ARHGAP42: variants seen among roughly 807,000 people sequenced by gnomAD.
The protein encoded by ARHGAP42 is rho GTPase-activating protein 42.
In ARHGAP42, 63 loss-of-function variants were observed where a neutral mutation model predicts 125.0. That is an observed-to-expected ratio of 0.50 (90% confidence interval 0.41 to 0.62). The LOEUF (loss-of-function observed/expected upper bound fraction) is 0.62, where lower values mean the gene tolerates loss of function less well. Ranked by LOEUF, ARHGAP42 falls within the 20% of genes least tolerant of loss-of-function variation. The pLI is 0.00. For missense variants in ARHGAP42, 766 were observed against 1,024.2 expected, an observed-to-expected ratio of 0.75 and a Z score of 3.44; for synonymous variants, 339 against 351.0, an observed-to-expected ratio of 0.97 and a Z score of 0.38.
At chr11:100,762,789 A>G (rs1467071501) in intron 1 of ARHGAP42, among the ~76,000 whole-genome samples, 5 of 152,084 alleles carry the variant, frequency 3.3e-5, no homozygotes, top group East Asian at 1.9e-4. Flanking sequence ...CTGAGAGCAC[A>G]CTAAAAACGT....
intron 1 of ARHGAP42, among the ~76,000 whole-genome samples, chr11:100,722,358 T>C (rs902016350): frequency 3.3e-5 from 5 of 151,952 alleles, no homozygotes; most frequent in Admixed American, 6.6e-5. Context: ...CTTCATCAGA[T>C]ATGTGTTTTG....
At chr11:100,857,095 CT>C (rs1865338271) in intron 3 of ARHGAP42, among the ~76,000 whole-genome samples, 1 of 152,026 alleles carries the variant, frequency 6.6e-6, no homozygotes, top group Non-Finnish European at 1.5e-5. Context: ...ATTAGAAACA[CT>C]CAAGAAATCA....
chr11:100,780,335 T>C (rs1394000760), intron 2 of ARHGAP42, among the ~76,000 whole-genome samples: 1 of 152,156 alleles, frequency 6.6e-6, no homozygotes, highest in Non-Finnish European at 1.5e-5. Flanking sequence ...CTCAACAAAA[T>C]AATTAGTGTA....
Position 100,787,794 on chromosome 11 carries a change from G to A in ARHGAP42, c.251-7311G>A, listed in dbSNP as rs551637886. Among the ~76,000 whole-genome samples the A allele has an allele frequency of 8.9e-4, 135 of 152,326 alleles. 1 individual carries two copies. The highest frequency in any genetic ancestry group is 3.0e-3 in the African/African-American group (126 of 41,574). On this transcript the variant is annotated intron_variant, in intron 2 of 23. Transcript: ENST00000298815. ...AAGAGTCTGGGTAGTATGGTTAAAG[G>A]ATAAACAGGAACAAGGGAAAGCATA... is the stretch of plus-strand genomic sequence containing the variant.
At chr11:100,804,840 C>T (rs17651790) in intron 3 of ARHGAP42, among the ~76,000 whole-genome samples, 8,406 of 152,194 alleles carry the variant, frequency 0.055, 302 homozygotes, top group Non-Finnish European at 0.083. Flanking sequence ...AAAAGTGTGT[C>T]GGTAACGTCA....
At chr11:100,858,899 A>T (rs758734131) in intron 3 of ARHGAP42, among the ~76,000 whole-genome samples, 4 of 152,076 alleles carry the variant, frequency 2.6e-5, no homozygotes, top group Non-Finnish European at 4.4e-5. Flanking sequence ...GCTTGTCTTC[A>T]TATCTTGCAC....
chr11:100,851,505 A>G (rs1458619611), intron 3 of ARHGAP42, among the ~76,000 whole-genome samples: 1 of 152,212 alleles, frequency 6.6e-6, no homozygotes, highest in African/African-American at 2.4e-5. Flanking sequence ...TGTGCTGCCC[A>G]TCTGTGGAAG....
chr11:100,935,986 G>T (rs1354993379), intron 7 of ARHGAP42, among the ~76,000 whole-genome samples: 1 of 152,072 alleles, frequency 6.6e-6, no homozygotes, highest in Non-Finnish European at 1.5e-5. Flanking sequence ...AGCCAGTGTG[G>T]TGGTGTGTGC....
At chr11:100,965,365 A>C (rs1448493920) in intron 16 of ARHGAP42, among the ~76,000 whole-genome samples, 11 of 152,166 alleles carry the variant, frequency 7.2e-5, no homozygotes, top group Admixed American at 6.5e-4. Flanking sequence ...TTCTGTCTTC[A>C]GGTAGTAAAA....
chr11:100,947,194 ATTG>A (rs1868045980), intron 10 of ARHGAP42, among the ~76,000 whole-genome samples: 1 of 151,494 alleles, frequency 6.6e-6, no homozygotes, highest in South Asian at 2.1e-4. Context: ...CCTTCTTTTT[ATTG>A]TTGTTTTGAA....
chr11:100,777,053 G>A (rs1480530686), intron 2 of ARHGAP42, among the ~76,000 whole-genome samples: 1 of 151,478 alleles, frequency 6.6e-6, no homozygotes, highest in African/African-American at 2.4e-5. Context: ...GGAAATGCTT[G>A]TACGAATCGT....
rs776438110 is a variant in ARHGAP42 at position 100,976,926 on chromosome 11, G to A, written c.2348G>A (p.Arg783Lys). ...CCTCCGAAAATGTGCAGGAGATTAAGACTAGACACTGCCTCAAGCAATGGC... is the reference window on the plus strand; with the variant it reads ...CCTCCGAAAATGTGCAGGAGATTAAAACTAGACACTGCCTCAAGCAATGGC... Reference protein sequence around the residue: ...DLPPKMCRRLRLDTASSNGYQ... With the variant: ...DLPPKMCRRLKLDTASSNGYQ... The change falls in exon 21 of 24, where the codon AGA (arginine) becomes AAA (lysine). Residue 783 changes from arginine (R) to lysine (K), a missense_variant. Transcript: ENST00000298815. The A allele has an allele frequency of 6.4e-7, 1 of 1,551,482 alleles. No homozygotes were observed.
Position 100,988,767 on chromosome 11 carries a change from G to C in ARHGAP42, c.2591G>C (p.Gly864Ala), listed in dbSNP as rs1241299240. ...AAGGCAACTTATGAAGGCAAAACAG[G>C]ACTAGTTCCAGAAAATTATGTTGTC... is the stretch of plus-strand genomic sequence containing the variant. Reference protein sequence around the residue: ...WLKATYEGKTGLVPENYVVFL With the variant: ...WLKATYEGKTALVPENYVVFL Residue 864 changes from glycine (G) to alanine (A), a missense_variant, in exon 24 of 24, where the codon GGA (glycine) becomes GCA (alanine). Physicochemically the swap from Gly to Ala is moderately conservative, Grantham distance 60 (BLOSUM62 0). Coordinates refer to ENST00000298815, the MANE Select transcript of ARHGAP42 (RefSeq NM_152432.4). The C allele has an allele frequency of 1.9e-6, 3 of 1,550,086 alleles. No individual in the cohort carries two copies. The highest frequency in any genetic ancestry group is 1.2e-5 in the South Asian group (1 of 83,976).
intron 2 of ARHGAP42, among the ~76,000 whole-genome samples, chr11:100,794,562 A>G (rs549276146): frequency 6.6e-6 from 1 of 152,352 alleles, no homozygotes; most frequent in African/African-American, 2.4e-5. Flanking sequence ...GCAAAGATCT[A>G]ACATACCTTG....
At chr11:100,705,646 A>C (rs1453836831) in intron 1 of ARHGAP42, among the ~76,000 whole-genome samples, 1 of 152,220 alleles carries the variant, frequency 6.6e-6, no homozygotes, top group Non-Finnish European at 1.5e-5. Flanking sequence ...AATAACCACC[A>C]CCATGTTTCA....
chr11:100,983,738 A>ATTC (rs1858602263), intron 22 of ARHGAP42, among the ~76,000 whole-genome samples: 1 of 152,202 alleles, frequency 6.6e-6, no homozygotes, highest in Non-Finnish European at 1.5e-5. Flanking sequence ...GCTCAGGTGG[A>ATTC]AGTTTTTAGC....
chr11:100,811,800 C>T (rs550842180), intron 3 of ARHGAP42, among the ~76,000 whole-genome samples: 15 of 152,052 alleles, frequency 9.9e-5, no homozygotes, highest in South Asian at 6.2e-4. Flanking sequence ...GAGCCCAGCC[C>T]GGATGTCTTG....
chr11:100,725,430 A>G (rs1201760627), intron 1 of ARHGAP42, among the ~76,000 whole-genome samples: 2 of 151,686 alleles, frequency 1.3e-5, no homozygotes, highest in African/African-American at 4.8e-5. Flanking sequence ...CGGCCTTCCA[A>G]AGTGCTGGGA....
chr11:100,940,281 A>G (rs530687862), intron 8 of ARHGAP42, among the ~76,000 whole-genome samples: 26 of 152,310 alleles, frequency 1.7e-4, no homozygotes, highest in African/African-American at 6.3e-4. Flanking sequence ...TCTTTCTTTT[A>G]AACATGGTTC....
Sources: gnomAD v4.1 joint callset for allele counts (sites outside exome capture counted in the v4.1 genomes callset) on GRCh38, gnomAD v4.1.1 for gene constraint, MANE v1.5 for transcripts, NCBI Gene and HGNC (gene_info 2026-07-23, HGNC 2026-07-21) for gene names.